SUGCT: variants seen among roughly 807,000 people sequenced by gnomAD.
SUGCT encodes succinyl-CoA:glutarate CoA-transferase.
SUGCT carries 41 observed loss-of-function variants against 55.0 expected under a neutral mutation model. That is an observed-to-expected ratio of 0.74 (90% CI 0.58 to 0.97). SUGCT has a LOEUF of 0.97. SUGCT is among the 50% of genes least tolerant of loss of function. SUGCT has a pLI of 0.00. For synonymous variants in SUGCT, 187 were observed against 200.4 expected (o/e 0.93, Z 0.56); for missense variants, 568 against 547.8 (o/e 1.04, Z -0.37).
chr7:40,186,588 T>G (rs1433625733), intron 3 of SUGCT, among the ~76,000 whole-genome samples: 1 of 152,126 alleles, frequency 6.6e-6, no homozygotes, highest in African/African-American at 2.4e-5. Flanking sequence ...TACTATTAGA[T>G]GAGATTATTT....
At chr7:40,340,261 G>C (rs921435339) in intron 9 of SUGCT, among the ~76,000 whole-genome samples, 2 of 152,138 alleles carry the variant, frequency 1.3e-5, no homozygotes, top group African/African-American at 4.8e-5. Flanking sequence ...AATTATACTG[G>C]ACTTGGGCCT....
the SUGCT span, among the ~76,000 whole-genome samples, chr7:41,036,188 A>C: frequency 0.24 from 36,485 of 152,086 alleles, 4,687 homozygotes; most frequent in African/African-American, 0.33. Context: ...TAATGAGTGG[A>C]TGAGCGAGTG....
At chr7:40,581,534 C>G (rs1051277447) in intron 12 of SUGCT, among the ~76,000 whole-genome samples, 1 of 152,144 alleles carries the variant, frequency 6.6e-6, no homozygotes, top group Admixed American at 6.5e-5. Flanking sequence ...CCCTAAAATA[C>G]ATTAATCATG....
chr7:40,280,580 C>A (rs1792886550), intron 8 of SUGCT, among the ~76,000 whole-genome samples: 1 of 152,120 alleles, frequency 6.6e-6, no homozygotes. Context: ...CCTTTACTCA[C>A]ACATGTACAT....
the SUGCT span, among the ~76,000 whole-genome samples, chr7:41,002,559 C>A: frequency 9.9e-5 from 15 of 152,174 alleles, no homozygotes; most frequent in African/African-American, 3.6e-4. Context: ...AGGAGGGCTG[C>A]CTGGCATGAT....
intron 8 of SUGCT, among the ~76,000 whole-genome samples, chr7:40,309,372 G>A (rs1795019310): frequency 1.3e-5 from 2 of 151,758 alleles, no homozygotes; most frequent in African/African-American, 2.4e-5. Flanking sequence ...GCTCTATCTC[G>A]GCTCACTGCA....
intron 12 of SUGCT, among the ~76,000 whole-genome samples, chr7:40,553,416 C>T (rs184892990): frequency 3.9e-5 from 6 of 152,218 alleles, no homozygotes; most frequent in East Asian, 1.9e-4. Flanking sequence ...AAATTGACCG[C>T]GAATGATGTA....
chr7:40,424,114 G>A (rs190968474), intron 9 of SUGCT, among the ~76,000 whole-genome samples: 113 of 152,222 alleles, frequency 7.4e-4, no homozygotes, highest in African/African-American at 2.4e-3. Context: ...GCCGTGGTTG[G>A]ATAGTTCCTC....
rs764111162 is a variant in SUGCT, at chr7:40,291,673, AT to A, written c.720+17018del. 5.0e-4 allele frequency among the ~76,000 whole-genome samples: 73 copies of A among 146,950 alleles called. 2 individuals carry two copies. The highest frequency in any genetic ancestry group is 2.2e-4 in the South Asian group (1 of 4,490). On this transcript the variant is annotated intron_variant, in intron 8 of 13. Coordinates refer to ENST00000335693, the MANE Select transcript of SUGCT (RefSeq NM_001193313.2). ...AGTATAATAATAATAAAATAAAAAA[AT>A]ATATATATAGTAATAAAAGTTATGT...
chr7:40,535,545 A>G (rs1476882125), intron 12 of SUGCT, among the ~76,000 whole-genome samples: 1 of 152,208 alleles, frequency 6.6e-6, no homozygotes, highest in Non-Finnish European at 1.5e-5. Context: ...TAGTGAGTGT[A>G]TATCCAAGAA....
intron 12 of SUGCT, among the ~76,000 whole-genome samples, chr7:40,516,302 C>T (rs1218108754): frequency 6.6e-6 from 1 of 152,014 alleles, no homozygotes; most frequent in Non-Finnish European, 1.5e-5. Flanking sequence ...TTTTCATTTT[C>T]TTGATTGTAT....
chr7:40,854,948 A>G (rs1433844241), intron 13 of SUGCT, among the ~76,000 whole-genome samples: 1 of 152,058 alleles, frequency 6.6e-6, no homozygotes, highest in African/African-American at 2.4e-5. Context: ...AAAAAAAACA[A>G]AAAGTTGAAA....
At chr7:40,590,785 A>G (rs191671963) in intron 12 of SUGCT, among the ~76,000 whole-genome samples, 31 of 152,286 alleles carry the variant, frequency 2.0e-4, no homozygotes, top group Admixed American at 1.6e-3. Context: ...GCCCTTAGGA[A>G]TTATGTCAAA....
the SUGCT span, among the ~76,000 whole-genome samples, chr7:40,947,717 C>T: frequency 6.6e-6 from 1 of 152,216 alleles, no homozygotes. Flanking sequence ...CATGTTTACA[C>T]ACTGAAGTCT....
chr7:40,525,808 A>T (rs1229417577), intron 12 of SUGCT, among the ~76,000 whole-genome samples: 1 of 152,164 alleles, frequency 6.6e-6, no homozygotes, highest in African/African-American at 2.4e-5. Flanking sequence ...TATATTTTGA[A>T]CTCTTTTATG....
chr7:40,249,646 A>G (rs1790223392), intron 7 of SUGCT, among the ~76,000 whole-genome samples: 1 of 152,082 alleles, frequency 6.6e-6, no homozygotes, highest in Non-Finnish European at 1.5e-5. Flanking sequence ...TAGGTTAAGT[A>G]ATGAAGTTTT....
intron 12 of SUGCT, among the ~76,000 whole-genome samples, chr7:40,561,753 A>G (rs113681732): frequency 0.27 from 37,089 of 139,024 alleles, 6,696 homozygotes; most frequent in African/African-American, 0.53. Context: ...GTGCAGTGGT[A>G]TGATCCCAGC....
intron 12 of SUGCT, among the ~76,000 whole-genome samples, chr7:40,525,830 C>T (rs933425562): frequency 2.0e-5 from 3 of 152,176 alleles, no homozygotes; most frequent in African/African-American, 7.2e-5. Flanking sequence ...TTTCTGTGCA[C>T]TGACATCAAG....
At chr7:40,994,349 G>A in the SUGCT span, among the ~76,000 whole-genome samples, 4 of 152,116 alleles carry the variant, frequency 2.6e-5, no homozygotes, top group South Asian at 8.3e-4. Context: ...TCTAATGTAT[G>A]GATGGAAAAG....
Sources: gnomAD v4.1 joint callset for allele counts (sites outside exome capture counted in the v4.1 genomes callset) on GRCh38, gnomAD v4.1.1 for gene constraint, MANE v1.5 for transcripts, NCBI Gene and HGNC (gene_info 2026-07-23, HGNC 2026-07-21) for gene names.